RASEF: variants seen among roughly 807,000 people sequenced by gnomAD.
RASEF encodes the protein ras and EF-hand domain-containing protein.
RASEF carries 68 observed loss-of-function variants against 90.1 expected under a neutral mutation model. That is an observed-to-expected ratio of 0.75 (90% CI 0.62 to 0.92). The LOEUF is 0.92. Among genes scored for constraint, RASEF ranks in the 40% least tolerant of loss-of-function variants. The pLI is 0.00. For missense variants in RASEF, 949 were observed against 937.2 expected (o/e 1.01, Z -0.16); for synonymous variants, 331 against 345.2 (o/e 0.96, Z 0.46).
chr9:82,988,613 G>A (rs1337028149), intron 16 of RASEF, among the ~76,000 whole-genome samples: 5 of 152,130 alleles, frequency 3.3e-5, no homozygotes. Flanking sequence ...CCTTGGTGAT[G>A]AGTGAGTTCT....
chr9:83,206,749 A>G, the RASEF span, among the ~76,000 whole-genome samples: 1 of 152,190 alleles, frequency 6.6e-6, no homozygotes, highest in Non-Finnish European at 1.5e-5. Context: ...GACAGGTTAT[A>G]CAAGTGCCAA....
the RASEF span, among the ~76,000 whole-genome samples, chr9:83,192,128 A>G: frequency 2.0e-5 from 3 of 152,192 alleles, no homozygotes; most frequent in South Asian, 6.2e-4. Flanking sequence ...TAGTTCAGTC[A>G]TTGTGGAAAG....
At chr9:83,031,222 C>T (rs575119443) in intron 1 of RASEF, among the ~76,000 whole-genome samples, 88 of 152,300 alleles carry the variant, frequency 5.8e-4, no homozygotes, top group Admixed American at 2.0e-3. Flanking sequence ...TCATCTTCTT[C>T]CCTATTAACA....
chr9:83,062,608 T>G lies in RASEF; in HGVS notation c.260A>C (p.Asp87Ala). The G allele has an allele frequency of 6.4e-7, 1 of 1,563,724 alleles. No individual in the cohort carries two copies. The highest frequency in any genetic ancestry group is 2.4e-5 in the East Asian group (1 of 42,074). The change falls in exon 1 of 17, where the codon GAT becomes GCT. Residue 87 changes from aspartate to alanine, a missense_variant. Transcript: ENST00000376447. ...GGRRRDWGPL[D>A]PAPAVSEAGP... ...CGCCTCAGACACGGCGGGCGCGGGA[T>G]CCAGAGGACCCCAGTCCCGGCGCCG... is the stretch of plus-strand genomic sequence containing the variant.
the RASEF span, among the ~76,000 whole-genome samples, chr9:83,093,404 C>G: frequency 6.6e-6 from 1 of 152,308 alleles, no homozygotes; most frequent in South Asian, 2.1e-4. Flanking sequence ...GGGTGGGAGG[C>G]TCAGGCATGG....
intron 6 of RASEF, 45 bp downstream of exon 6, chr9:83,009,596 C>G (rs1829201167): frequency 8.7e-7 from 1 of 1,150,824 alleles, no homozygotes; most frequent in African/African-American, 1.5e-5. Context: ...GGATGATCAT[C>G]TCAATATTCT....
chr9:83,012,088 A>C (rs577656344), intron 5 of RASEF, among the ~76,000 whole-genome samples: 2 of 152,208 alleles, frequency 1.3e-5, no homozygotes, highest in African/African-American at 4.8e-5. Context: ...AGAAAAAAAA[A>C]AAACTTGGAG....
At chr9:83,110,257 C>T in the RASEF span, among the ~76,000 whole-genome samples, 11 of 152,156 alleles carry the variant, frequency 7.2e-5, no homozygotes, top group Admixed American at 3.9e-4. Flanking sequence ...TAGTTCCTGT[C>T]GTCCCTAAAC....
chr9:83,120,950 C>T, the RASEF span, among the ~76,000 whole-genome samples: 9 of 152,176 alleles, frequency 5.9e-5, no homozygotes, highest in Admixed American at 3.3e-4. Flanking sequence ...CAGGGCTCAG[C>T]TCTCAGGTTT....
chr9:82,990,338 G>T, intron 16 of RASEF, 53 bp downstream of exon 16: 3 of 1,195,370 alleles, frequency 2.5e-6, no homozygotes, highest in Non-Finnish European at 3.7e-6. Flanking sequence ...CAAGAAATGT[G>T]TCATATGCAA....
At chr9:83,144,630 C>A in the RASEF span, among the ~76,000 whole-genome samples, 1 of 152,008 alleles carries the variant, frequency 6.6e-6, no homozygotes, top group Non-Finnish European at 1.5e-5. Flanking sequence ...GGTTGAAAAA[C>A]CACACACAGG....
At chr9:83,068,034 T>G (rs567684153), upstream of RASEF, among the ~76,000 whole-genome samples, 2 of 152,206 alleles carry the variant, frequency 1.3e-5, no homozygotes, top group African/African-American at 4.8e-5. Flanking sequence ...GCACCACTAC[T>G]CCCAGTTAAT....
intron 14 of RASEF, among the ~76,000 whole-genome samples, chr9:82,993,920 C>T (rs1200542297): frequency 6.6e-6 from 1 of 152,228 alleles, no homozygotes; most frequent in Non-Finnish European, 1.5e-5. Context: ...CCCACCTCAG[C>T]AGGCTATGAT....
the RASEF span, among the ~76,000 whole-genome samples, chr9:83,170,488 A>G: frequency 7.2e-5 from 11 of 152,060 alleles, no homozygotes; most frequent in South Asian, 2.3e-3. Flanking sequence ...AAAAGATTTC[A>G]TTGAATCTAT....
intron 1 of RASEF, among the ~76,000 whole-genome samples, chr9:83,029,393 CTTTTTTT>C (rs869144602): frequency 1.5e-5 from 2 of 134,812 alleles, no homozygotes; most frequent in Non-Finnish European, 3.2e-5. Flanking sequence ...GACTTGCCTT[CTTTTTTT>C]TTTTTTTTTT....
chr9:83,013,844 T>A (rs1227687411), intron 4 of RASEF, among the ~76,000 whole-genome samples: 2 of 152,206 alleles, frequency 1.3e-5, no homozygotes, highest in Non-Finnish European at 2.9e-5. Context: ...ATGTCAGTCA[T>A]TATGGTTAGG....
At chr9:83,199,515 T>G in the RASEF span, among the ~76,000 whole-genome samples, 1 of 152,230 alleles carries the variant, frequency 6.6e-6, no homozygotes, top group South Asian at 2.1e-4. Context: ...CACCAGAGCA[T>G]CAGGGAGTGA....
Position 83,056,034 on chromosome 9 carries a change from C to CA in RASEF, c.431+6402dup, listed in dbSNP as rs376026481. On this transcript the variant is annotated intron_variant, in intron 1 of 16. Coordinates refer to ENST00000376447, the MANE Select transcript of RASEF (RefSeq NM_152573.4). The stretch of plus-strand genomic sequence containing the variant: ...ATAGTGCCTAGTGAGATGTCAAGGG[C>CA]AATGTCAATATTGGGTGAACTAGAG... Among the ~76,000 whole-genome samples the CA allele has an allele frequency of 6.8e-3, 1,038 of 152,156 alleles. 10 individuals are homozygous for CA. The highest frequency in any genetic ancestry group is 0.024 in the African/African-American group (1,000 of 41,504).
chr9:83,011,910 A>C (rs1829253715), intron 5 of RASEF, among the ~76,000 whole-genome samples: 1 of 152,200 alleles, frequency 6.6e-6, no homozygotes, highest in Admixed American at 6.5e-5. Flanking sequence ...TTAGCTCTGC[A>C]GTGAAAATAT....
Sources: allele counts gnomAD v4.1 joint callset (sites outside exome capture counted in the v4.1 genomes callset), GRCh38; gene constraint gnomAD v4.1.1; transcripts MANE v1.5; gene names NCBI Gene and HGNC (gene_info 2026-07-23, HGNC 2026-07-21).